The following STEEP1 variants were observed in gnomAD, a reference collection of about 807,000 sequenced individuals.
STEEP1 encodes STING1 ER exit protein 1, also known as STING ER exit protein.
In STEEP1, 3 loss-of-function variants were observed where a neutral mutation model predicts 19.2. The ratio of observed to expected loss-of-function variants is 0.16; its 90% CI spans 0.07 to 0.40. The LOEUF is 0.40. Ranked by LOEUF, STEEP1 falls within the 10% of genes least tolerant of loss-of-function variation. STEEP1 has a pLI of 0.99. For synonymous variants in STEEP1, 46 were observed against 63.7 expected, an observed-to-expected ratio of 0.72 and a Z score of 1.32; for missense variants, 54 against 177.1, an observed-to-expected ratio of 0.30 and a Z score of 3.94.
At chrX:119,544,270 G>A in intron 4 of STEEP1, 83 bp downstream of exon 4, 1 of 807,929 alleles carries the variant, frequency 1.2e-6, no homozygotes, top group South Asian at 3.0e-5. Context: ...ATAAAGAGCA[G>A]TTTCTCATCA....
chrX:119,542,615 A>C (rs959961231), intron 4 of STEEP1, 21 bp from the exon 5 acceptor site: 2 of 1,137,645 alleles, frequency 1.8e-6, no homozygotes, highest in Non-Finnish European at 2.4e-6. Flanking sequence ...AGGCAAGAAG[A>C]AGTCAGTCCG....
At chrX:119,564,444 C>T (rs1422168710) in intron 1 of STEEP1, among the ~76,000 whole-genome samples, 2 of 93,964 alleles carry the variant, frequency 2.1e-5, no homozygotes, top group South Asian at 5.4e-4. Flanking sequence ...TGCAGTGAGC[C>T]GAGATTGCAC....
chrX:119,556,352 A>C (rs1343883665), intron 2 of STEEP1, among the ~76,000 whole-genome samples: 3 of 110,446 alleles, frequency 2.7e-5, no homozygotes, highest in Admixed American at 1.9e-4. Context: ...GGGAGGCCGA[A>C]GTGGGCGGAT....
At chrX:119,554,426 C>T (rs2053264861) in intron 2 of STEEP1, among the ~76,000 whole-genome samples, 1 of 111,531 alleles carries the variant, frequency 9.0e-6, no homozygotes, top group Admixed American at 9.6e-5. Context: ...GCCTGGGCAA[C>T]AGAGTGAGAC....
chrX:119,544,545 A>C (rs2053187847), intron 3 of STEEP1, 54 bp from the exon 4 acceptor site: 2 of 1,126,239 alleles, frequency 1.8e-6, no homozygotes, highest in Non-Finnish European at 2.4e-6. Flanking sequence ...TTCCCAAAAC[A>C]GCAATTTGCA....
At chrX:119,553,572 T>A (rs1017943877) in intron 2 of STEEP1, among the ~76,000 whole-genome samples, 5 of 111,592 alleles carry the variant, frequency 4.5e-5, no homozygotes, top group Non-Finnish European at 9.4e-5. Flanking sequence ...ATGTTCTGCC[T>A]CTCCATTTAC....
chrX:119,552,377 G>A (rs146183504), intron 2 of STEEP1, among the ~76,000 whole-genome samples: 142 of 112,322 alleles, frequency 1.3e-3, no homozygotes, highest in African/African-American at 4.5e-3. Context: ...TCAAGTTGGG[G>A]TTCCCACGAC....
chrX:119,553,040 G>A (rs989211554), intron 2 of STEEP1, among the ~76,000 whole-genome samples: 1 of 109,096 alleles, frequency 9.2e-6, no homozygotes, highest in African/African-American at 3.3e-5. Flanking sequence ...TGTAATCCCA[G>A]CTACTCAGGA....
chrX:119,563,704 CCTCT>C (rs760956688), intron 1 of STEEP1, among the ~76,000 whole-genome samples: 56 of 111,048 alleles, frequency 5.0e-4, no homozygotes, highest in East Asian at 3.4e-3. Context: ...AGTGAGACTC[CCTCT>C]GTCTCAAAAA....
intron 5 of STEEP1, 91 bp from the exon 6 acceptor site, chrX:119,541,511 T>G: frequency 1.9e-6 from 1 of 526,454 alleles, no homozygotes; most frequent in Non-Finnish European, 3.3e-6. Flanking sequence ...ACTCAAATCA[T>G]GAAATCATGA....
chrX:119,554,885 T>C (rs1273880244), intron 2 of STEEP1, among the ~76,000 whole-genome samples: 5 of 110,680 alleles, frequency 4.5e-5, no homozygotes, highest in Non-Finnish European at 9.5e-5. Flanking sequence ...GGCAGGGGGA[T>C]TGCTTGAGCC....
At chrX:119,547,484 A>T (rs943990345) in intron 2 of STEEP1, among the ~76,000 whole-genome samples, 14 of 112,403 alleles carry the variant, frequency 1.2e-4, no homozygotes, top group African/African-American at 4.5e-4. Context: ...GAATCTTTTA[A>T]TTTGAATTTC....
intron 2 of STEEP1, among the ~76,000 whole-genome samples, chrX:119,551,748 C>T (rs1215975422): frequency 9.0e-6 from 1 of 110,577 alleles, no homozygotes; most frequent in Non-Finnish European, 1.9e-5. Context: ...GGGTTTTTCC[C>T]CACACTCCAA....
chrX:119,544,226 C>CA (rs2053184987), intron 4 of STEEP1, 127 bp downstream of exon 4: 1 of 489,276 alleles, frequency 2.0e-6, no homozygotes, highest in Non-Finnish European at 3.2e-6. Flanking sequence ...AAGAAAAAGA[C>CA]AAAAAAAGAA....
intron 1 of STEEP1, among the ~76,000 whole-genome samples, chrX:119,563,915 C>T: frequency 9.0e-6 from 1 of 111,348 alleles, no homozygotes; most frequent in South Asian, 3.7e-4. Context: ...ATAAGAGGAG[C>T]AATTGGAGAG....
At chrX:119,541,116 C>T (rs1364831221) in intron 6 of STEEP1, among the ~76,000 whole-genome samples, 2 of 111,735 alleles carry the variant, frequency 1.8e-5, no homozygotes, top group Non-Finnish European at 3.8e-5. Flanking sequence ...AGGGCTATAA[C>T]AAGTATCATC....
At chrX:119,546,779 T>G (rs1281231547) in intron 2 of STEEP1, among the ~76,000 whole-genome samples, 1 of 111,349 alleles carries the variant, frequency 9.0e-6, no homozygotes, top group East Asian at 2.8e-4. Context: ...TTCTATGGAT[T>G]TTTATCTCCA....
In STEEP1 at chrX:119,539,658, A is replaced by C; in HGVS notation, c.*69T>G. ...GGCATAAATAGGAATCCGTCTATGT[A>C]ATCAAGAAATTACTTTGCCTCCTGA... is the stretch of plus-strand genomic sequence containing the variant. On this transcript the variant is annotated 3_prime_UTR_variant, in exon 7 of 7. Coordinates refer to ENST00000644802, the MANE Select transcript of STEEP1 (RefSeq NM_022101.4). 1 of 846,631 alleles carries C rather than the reference A, an allele frequency of 1.2e-6. No individual in the cohort carries two copies. The highest frequency in any genetic ancestry group is 2.4e-5 in the Admixed American group (1 of 40,919). 69.8% of individuals were successfully genotyped at this position (846,631 alleles called of 1,213,427 possible). A position where few individuals can be genotyped will look rare whatever the true frequency, so the allele number is the denominator to read the frequency against.
At position 119,539,783 on chromosome X, in the gene STEEP1, A is replaced by G. The variant is rs2053150700; in HGVS notation, c.613T>C (p.Leu205=). The G allele has an allele frequency of 6.7e-6, 8 of 1,200,824 alleles. No homozygotes were observed. Among genetic ancestry groups the G allele is most frequent in the Non-Finnish European group, 9.0e-6 (8 of 888,052 alleles). Residue 205 remains leucine, a synonymous_variant, in exon 7 of 7, where the codon TTG becomes CTG. Coordinates refer to ENST00000644802, the MANE Select transcript of STEEP1 (RefSeq NM_022101.4). ...SKRRLQELAE[L]EAKKAKMKGT... ...TTCATTTTCGCTTTCTTGGCTTCCA[A>G]TTCAGCCTAGAAAGAAAAAAAAAGC...
Sources: gnomAD v4.1 joint callset for allele counts (sites outside exome capture counted in the v4.1 genomes callset) on GRCh38, gnomAD v4.1.1 for gene constraint, MANE v1.5 for transcripts, NCBI Gene and HGNC (gene_info 2026-07-23, HGNC 2026-07-21) for gene names.